The following ELOA variants were observed in gnomAD, a reference collection of about 807,000 sequenced individuals.
The protein encoded by ELOA is elongin A.
A neutral mutation model predicts 85.2 loss-of-function variants in ELOA; 15 were observed. The ratio of observed to expected loss-of-function variants is 0.18; its 90% CI spans 0.12 to 0.27. ELOA has a LOEUF of 0.27. Among genes scored for constraint, ELOA ranks in the 10% least tolerant of loss-of-function variants. ELOA has a pLI of 1.00. For synonymous variants in ELOA, 348 were observed against 357.2 expected (o/e 0.97, Z 0.29); for missense variants, 769 against 952.7 (o/e 0.81, Z 2.54).
In ELOA at chr1:23,754,476, G is replaced by T; in HGVS notation, c.1791+16G>T. The stretch of plus-strand genomic sequence containing the variant: ...ATACAATCATGTGAGTATTCTGTTT[G>T]GGTGGGAAGAGGGCAGTTTTCTGGC... On this transcript the variant is annotated intron_variant, in intron 7 of 10. Transcript: ENST00000613537. 1 of 1,609,514 alleles carries T rather than the reference G, an allele frequency of 6.2e-7. No homozygotes were observed. Among genetic ancestry groups the T allele is most frequent in the South Asian group, 1.1e-5 (1 of 90,856 alleles).
chr1:23,750,177 T>C (rs1203992550), intron 3 of ELOA, among the ~76,000 whole-genome samples: 1 of 128,030 alleles, frequency 7.8e-6, no homozygotes, highest in Non-Finnish European at 1.6e-5. Flanking sequence ...TTTCTTTTTT[T>C]TTTTTTTTTT....
In ELOA at chr1:23,757,099, A is replaced by G. The variant is rs140089365; in HGVS notation, c.2231A>G (p.Tyr744Cys). 72 of 1,583,114 alleles carry G rather than the reference A, an allele frequency of 4.5e-5. No individual in the cohort carries two copies. In the Middle Eastern group the frequency reaches 6.7e-4, roughly 15 times the overall value. ...CCAGTGGTCAGCAGCACTGTTTCCT[A>G]TGATCCTAGGAAACCCACTGTGAAG... ...LAPVVSSTVSYDPRKPTVKKI... is the reference protein window; with the variant it reads ...LAPVVSSTVSCDPRKPTVKKI... Residue 744 changes from tyrosine (Y) to cysteine (C), a missense_variant, in exon 10 of 11, where the codon TAT becomes TGT. This residue lies in a region of ELOA where 116 missense variants were observed against 141.0 expected (regional missense o/e 0.82). Transcript: ENST00000613537.
At chr1:23,754,048 G>C in intron 5 of ELOA, 52 bp from the exon 6 acceptor site, 1 of 1,596,454 alleles carries the variant, frequency 6.3e-7, no homozygotes, top group East Asian at 2.2e-5. Context: ...GGGGTAGAAG[G>C]AGAGTTTTCA....
At chr1:23,753,058 G>T (rs1258389658) in intron 5 of ELOA, among the ~76,000 whole-genome samples, 2 of 152,234 alleles carry the variant, frequency 1.3e-5, no homozygotes, top group Non-Finnish European at 2.9e-5. Context: ...GCTGAGGTGG[G>T]AGTATCACTT....
At chr1:23,750,236 C>T (rs1037642554) in intron 3 of ELOA, among the ~76,000 whole-genome samples, 4 of 123,346 alleles carry the variant, frequency 3.2e-5, no homozygotes, top group Admixed American at 1.1e-4. Context: ...AGTGCAGTGG[C>T]GTGATCTCGG....
intron 5 of ELOA, among the ~76,000 whole-genome samples, chr1:23,753,147 C>A (rs984000228): frequency 6.6e-6 from 1 of 152,086 alleles, no homozygotes; most frequent in African/African-American, 2.4e-5. Flanking sequence ...AAGACTGTTT[C>A]AAAAACAAAC....
intron 10 of ELOA, among the ~76,000 whole-genome samples, chr1:23,758,295 A>G (rs1340356470): frequency 2.0e-5 from 1 of 49,698 alleles, no homozygotes; most frequent in African/African-American, 6.9e-5. Flanking sequence ...TTTTTTGGAG[A>G]CAGAGTCTCA....
In ELOA at chr1:23,760,751, G is replaced by C. The variant is rs1638281822; in HGVS notation, c.*1178G>C. On this transcript the variant is annotated 3_prime_UTR_variant, in exon 11 of 11. Coordinates refer to ENST00000613537, the MANE Select transcript of ELOA (RefSeq NM_003198.3). ...AGGCAGGATTTGGAGGGAAGGACCA[G>C]CTTAGGGAGAGTGTCTGAGCCACAG... 6.6e-6 allele frequency: 1 copy of C among 152,198 alleles called. No homozygotes were observed. Among genetic ancestry groups the C allele is most frequent in the African/African-American group, 2.4e-5 (1 of 41,420 alleles). The allele number at this position is 152,198 out of a possible 1,614,324, so 9.4% of individuals were successfully genotyped here.
intron 1 of ELOA, among the ~76,000 whole-genome samples, chr1:23,747,489 A>G (rs761463076): frequency 6.6e-6 from 1 of 152,244 alleles, no homozygotes; most frequent in African/African-American, 2.4e-5. Context: ...TAGCTGACAC[A>G]CAATAGATGG....
intron 2 of ELOA, 50 bp from the exon 3 acceptor site, chr1:23,749,792 A>G: frequency 1.3e-6 from 2 of 1,512,248 alleles, no homozygotes; most frequent in Non-Finnish European, 1.8e-6. Context: ...CTTTAGAAAA[A>G]CGTTAGCCTA....
intron 1 of ELOA, 144 bp from the exon 2 acceptor site, chr1:23,748,877 G>A: frequency 3.3e-6 from 2 of 605,658 alleles, no homozygotes; most frequent in Non-Finnish European, 5.6e-6. Flanking sequence ...TTTCATACTT[G>A]TAAAATAGGG....
At chr1:23,750,554 C>A (rs1474932343) in intron 3 of ELOA, among the ~76,000 whole-genome samples, 1 of 152,056 alleles carries the variant, frequency 6.6e-6, no homozygotes, top group Non-Finnish European at 1.5e-5. Flanking sequence ...TGAGCAGCCC[C>A]CATTTTATAT....
At chr1:23,750,344 T>G (rs987327753) in intron 3 of ELOA, among the ~76,000 whole-genome samples, 10 of 151,690 alleles carry the variant, frequency 6.6e-5, no homozygotes, top group Admixed American at 4.6e-4. Context: ...CCCGGCTAAT[T>G]TTTTGTATTT....
At position 23,754,218 on chromosome 1, in the gene ELOA, C is replaced by T. The variant is rs1345846262; in HGVS notation, c.1656C>T (p.His552=). 2.5e-6 allele frequency: 4 copies of T among 1,614,034 alleles called. No individual in the cohort carries two copies. In the African/African-American group the frequency reaches 4.0e-5, roughly 16 times the overall value. ...CAYLPKMMTL[H]QQCIRVLKNN... is the part of the protein sequence containing the mutation. The stretch of plus-strand genomic sequence containing the variant: ...ATCTCCCTAAAATGATGACCTTGCA[C>T]CAGCAATGCATCCGAGTACTTAAAA... The change falls in exon 6 of 11, where the codon CAC becomes CAT. Residue 552 remains histidine (H), a synonymous_variant. Coordinates refer to ENST00000613537, the MANE Select transcript of ELOA (RefSeq NM_003198.3).
At position 23,749,747 on chromosome 1, in the gene ELOA, G is replaced by C. The variant is rs746560173; in HGVS notation, c.133-95G>C. 8.2e-4 allele frequency: 854 copies of C among 1,042,274 alleles called. 11 individuals carry two copies. Among genetic ancestry groups the C allele is most frequent in the Non-Finnish European group, 2.7e-4 (188 of 705,142 alleles). The allele number at this position is 1,042,274 out of a possible 1,614,324, so 64.6% of individuals were successfully genotyped here. On this transcript the variant is annotated intron_variant, in intron 2 of 10. Coordinates refer to ENST00000613537, the MANE Select transcript of ELOA (RefSeq NM_003198.3). ...GGGTATGTTGTAGGAAGGAAGTATTGCTTGTTGAGTTTCTCAAAGTAGAAA... is the reference window on the plus strand; with the variant it reads ...GGGTATGTTGTAGGAAGGAAGTATTCCTTGTTGAGTTTCTCAAAGTAGAAA...
At chr1:23,748,178 A>T (rs569054686) in intron 1 of ELOA, among the ~76,000 whole-genome samples, 3 of 152,332 alleles carry the variant, frequency 2.0e-5, no homozygotes, top group Admixed American at 2.0e-4. Context: ...TGTTCTAGAC[A>T]CTATGACTAA....
chr1:23,759,449 C>T (rs1638262878), intron 10 of ELOA, 63 bp from the exon 11 acceptor site: 1 of 1,555,004 alleles, frequency 6.4e-7, no homozygotes, highest in African/African-American at 1.4e-5. Flanking sequence ...TGACTGTAAA[C>T]TACTGGGGGT....
chr1:23,759,509 C>T lies in ELOA; in HGVS notation c.2258-3C>T. 6.2e-7 allele frequency: 1 copy of T among 1,614,196 alleles called. No individual in the cohort carries two copies. Among genetic ancestry groups the T allele is most frequent in the Non-Finnish European group, 8.5e-7 (1 of 1,180,030 alleles). On this transcript the variant is annotated splice_region_variant and splice_polypyrimidine_tract_variant and intron_variant, in intron 10 of 10. Coordinates refer to ENST00000613537, the MANE Select transcript of ELOA (RefSeq NM_003198.3). Reference sequence around the variant, plus strand: ...GACAGCTGCCTTGTTTCTCTTTTCACAGAAATTGCCCCAATGATGGCCAAG... The same window carrying T: ...GACAGCTGCCTTGTTTCTCTTTTCATAGAAATTGCCCCAATGATGGCCAAG...
At chr1:23,755,691 A>T in intron 7 of ELOA, 152 bp from the exon 8 acceptor site, 2 of 585,060 alleles carry the variant, frequency 3.4e-6, no homozygotes, top group Non-Finnish European at 5.7e-6. Flanking sequence ...GAGGCGTGAG[A>T]ATCGCTTGAA....
Sources: allele counts gnomAD v4.1 joint callset (sites outside exome capture counted in the v4.1 genomes callset), GRCh38; gene constraint gnomAD v4.1.1; regional missense constraint gnomAD v4.1.1; transcripts MANE v1.5; gene names NCBI Gene and HGNC (gene_info 2026-07-23, HGNC 2026-07-21).